Variants in SCN8A observed in about 807,000 individuals in gnomAD.
The protein encoded by SCN8A is sodium channel protein type 8 subunit alpha.
SCN8A carries 30 observed loss-of-function variants against 184.1 expected under a neutral mutation model. The observed-to-expected ratio is 0.16, with a 90% CI of 0.12 to 0.22. The LOEUF is 0.22. SCN8A is among the 10% of genes least tolerant of loss of function. SCN8A has a pLI of 1.00. For synonymous variants in SCN8A, 852 were observed against 907.0 expected (o/e 0.94, Z 1.09); for missense variants, 1,057 against 2,498.9 (o/e 0.42, Z 12.30).
chr12:51,723,835 G>A (rs1367266539), intron 12 of SCN8A, among the ~76,000 whole-genome samples: 2 of 122,860 alleles, frequency 1.6e-5, no homozygotes, highest in East Asian at 5.2e-4. Flanking sequence ...GCAACAGAGC[G>A]AGACTCCATC....
chr12:51,679,076 C>CAAA (rs1244058171), intron 2 of SCN8A, among the ~76,000 whole-genome samples: 1 of 90,220 alleles, frequency 1.1e-5, no homozygotes, highest in African/African-American at 3.5e-5. Flanking sequence ...GCTCCGTCTC[C>CAAA]AAAAAAAATA....
At chr12:51,713,561 G>A (rs1214128557) in intron 11 of SCN8A, 15 of 724,320 alleles carry the variant, frequency 2.1e-5, no homozygotes, top group East Asian at 1.2e-4. Context: ...CAATGTCGAC[G>A]GCTGGAGTCG....
chr12:51,638,203 A>T (rs541790893), intron 1 of SCN8A, among the ~76,000 whole-genome samples: 159 of 152,314 alleles, frequency 1.0e-3, no homozygotes, highest in Non-Finnish European at 1.7e-3. Flanking sequence ...AAGAGCTCTG[A>T]TGGAGATATA....
chr12:51,733,550 T>C (rs1313298474), intron 12 of SCN8A, among the ~76,000 whole-genome samples: 1 of 152,216 alleles, frequency 6.6e-6, no homozygotes, highest in African/African-American at 2.4e-5. Context: ...TATTTCCATG[T>C]CTGGTTTTAG....
intron 12 of SCN8A, among the ~76,000 whole-genome samples, chr12:51,732,304 C>T (rs1002720843): frequency 2.0e-5 from 3 of 152,184 alleles, no homozygotes; most frequent in African/African-American, 2.4e-5. Context: ...CCAGTTTTCC[C>T]AGAACCATTT....
At chr12:51,636,926 T>C (rs1461494267) in intron 1 of SCN8A, among the ~76,000 whole-genome samples, 1 of 152,222 alleles carries the variant, frequency 6.6e-6, no homozygotes, top group African/African-American at 2.4e-5. Context: ...GATACTGCAT[T>C]TTTTTACAAA....
rs184676557 is a variant in SCN8A, at chr12:51,662,607, C to T, written c.-54-157C>T. Among the ~76,000 whole-genome samples the T allele has an allele frequency of 7.8e-4, 119 of 152,226 alleles. No homozygotes were observed. The East Asian group carries it at 0.018, about 23-fold the overall frequency. ...TCTCCCTTGGCAGATCAGTCCATGCCACAGATTTCCTGAAAAGAAAAATAA... is the reference window on the plus strand; with the variant it reads ...TCTCCCTTGGCAGATCAGTCCATGCTACAGATTTCCTGAAAAGAAAAATAA... On this transcript the variant is annotated intron_variant, in intron 1 of 26. Coordinates refer to ENST00000627620, the MANE Select transcript of SCN8A (RefSeq NM_001330260.2).
At chr12:51,747,843 T>C (rs774681428) in intron 13 of SCN8A, among the ~76,000 whole-genome samples, 2 of 134,224 alleles carry the variant, frequency 1.5e-5, no homozygotes, top group Non-Finnish European at 3.2e-5. Context: ...TCTCCACCCT[T>C]TACCCACCAT....
rs115744607 is a variant in SCN8A at position 51,628,566 on chromosome 12, G to A, written c.-54-34198G>A. 6.6e-3 allele frequency among the ~76,000 whole-genome samples: 998 copies of A among 152,218 alleles called. 14 individuals carry two copies. The highest frequency in any genetic ancestry group is 0.022 in the African/African-American group (924 of 41,544). ...GAGGATTCTTATTCTGTAGGGATTCGCACAATCTGGGAGTGGTGGGGGGAA... is the reference window on the plus strand; with the variant it reads ...GAGGATTCTTATTCTGTAGGGATTCACACAATCTGGGAGTGGTGGGGGGAA... On this transcript the variant is annotated intron_variant, in intron 1 of 26. Transcript: ENST00000627620.
intron 7 of SCN8A, 32 bp downstream of exon 7, chr12:51,699,823 GAA>G: frequency 6.4e-7 from 1 of 1,550,694 alleles, no homozygotes; most frequent in Non-Finnish European, 8.8e-7. Context: ...AGAGGAATAG[GAA>G]AAGTCTATTC....
At chr12:51,734,015 G>A (rs534799548) in intron 12 of SCN8A, among the ~76,000 whole-genome samples, 3 of 151,928 alleles carry the variant, frequency 2.0e-5, no homozygotes, top group Admixed American at 6.6e-5. Context: ...CTTTCCAAAA[G>A]ATAAACAACC....
chr12:51,726,279 A>G (rs140147249), intron 12 of SCN8A, among the ~76,000 whole-genome samples: 1 of 152,346 alleles, frequency 6.6e-6, no homozygotes. Flanking sequence ...CATTGCCACT[A>G]GCAATCCAGA....
intron 19 of SCN8A, among the ~76,000 whole-genome samples, chr12:51,773,301 C>T (rs1942958054): frequency 6.6e-6 from 1 of 152,210 alleles, no homozygotes; most frequent in African/African-American, 2.4e-5. Flanking sequence ...ATTCCCTCCT[C>T]TTGGCACCAT....
chr12:51,786,499 C>G (rs748164839), intron 21 of SCN8A, 43 bp from the exon 22 acceptor site: 31 of 1,609,878 alleles, frequency 1.9e-5, no homozygotes, highest in Non-Finnish European at 2.5e-5. Context: ...TGTGCTTGCT[C>G]TCATTTCCAC....
chr12:51,712,416 C>T (rs1015209302), intron 11 of SCN8A: 2 of 754,908 alleles, frequency 2.6e-6, no homozygotes, highest in African/African-American at 1.7e-5. Flanking sequence ...CCTGACAGCT[C>T]CTCGCGCTCT....
intron 9 of SCN8A, among the ~76,000 whole-genome samples, chr12:51,704,917 G>A (rs1722141548): frequency 6.6e-6 from 1 of 152,238 alleles, no homozygotes; most frequent in South Asian, 2.1e-4. Context: ...AGAGGTTGCA[G>A]TGAGCCAAGA....
At chr12:51,601,925 C>T (rs1170164886) in intron 1 of SCN8A, among the ~76,000 whole-genome samples, 1 of 140,826 alleles carries the variant, frequency 7.1e-6, no homozygotes, top group African/African-American at 2.6e-5. Context: ...TGCAAAATCT[C>T]AAGAAAAAAA....
rs1938770616 is a variant in SCN8A at position 51,808,117 on chromosome 12, T to C, written c.*688T>C. On this transcript the variant is annotated 3_prime_UTR_variant, in exon 27 of 27. Transcript: ENST00000627620. ...CCGTGATCAGAAGTCATGCATGAGA[T>C]CCATACACCACAGGACACTACTAAT... 6.1e-6 allele frequency: 1 copy of C among 163,968 alleles called. No individual in the cohort carries two copies. The highest frequency in any genetic ancestry group is 1.3e-5 in the Non-Finnish European group (1 of 74,120). The allele number at this position is 163,968 out of a possible 1,614,324, so 10.2% of individuals were successfully genotyped here. A position where few individuals can be genotyped will look rare whatever the true frequency, so the allele number is the denominator to read the frequency against.
At chr12:51,762,375 T>C (rs1221414240) in intron 14 of SCN8A, 128 bp from the exon 15 acceptor site, 1 of 850,278 alleles carries the variant, frequency 1.2e-6, no homozygotes, top group Non-Finnish European at 1.8e-6. Context: ...GGTATTGATA[T>C]CTTCAGATGC....
Sources: gnomAD v4.1 joint callset for allele counts (sites outside exome capture counted in the v4.1 genomes callset) on GRCh38, gnomAD v4.1.1 for gene constraint, MANE v1.5 for transcripts, NCBI Gene and HGNC (gene_info 2026-07-23, HGNC 2026-07-21) for gene names.